TRDN: variants seen among roughly 807,000 people sequenced by gnomAD.
The protein encoded by TRDN is triadin.
TRDN carries 161 observed loss-of-function variants against 149.7 expected under a neutral mutation model. The observed-to-expected ratio is 1.08, with a 90% CI of 0.95 to 1.23. The LOEUF (loss-of-function observed/expected upper bound fraction) is 1.23, where lower values mean the gene tolerates loss of function less well. Ranked by LOEUF, TRDN falls within the 50% of genes most tolerant of loss-of-function variation. The pLI, the probability that TRDN is intolerant of heterozygous loss-of-function variation, is 0.00. For missense variants in TRDN, 896 were observed against 823.5 expected, an observed-to-expected ratio of 1.09 and a Z score of -1.08; for synonymous variants, 294 against 250.5, an observed-to-expected ratio of 1.17 and a Z score of -1.64.
chr6:123,381,454 A>C, intron 15 of TRDN, 64 bp from the exon 16 acceptor site: 3 of 1,449,054 alleles, frequency 2.1e-6, no homozygotes, highest in South Asian at 2.5e-5. Flanking sequence ...ACTACCCTAC[A>C]TATTGATTAG....
At chr6:123,364,055 T>A (rs1333130908) in intron 20 of TRDN, among the ~76,000 whole-genome samples, 2 of 152,262 alleles carry the variant, frequency 1.3e-5, no homozygotes, top group Admixed American at 6.5e-5. Flanking sequence ...TTTCTTTTTC[T>A]GTATGTCATG....
intron 33 of TRDN, 43 bp from the exon 34 acceptor site, chr6:123,260,681 A>G: frequency 7.2e-7 from 1 of 1,393,840 alleles, no homozygotes; most frequent in Non-Finnish European, 9.5e-7. Flanking sequence ...GAAAGGAAAA[A>G]AAATAAAAAG....
intron 4 of TRDN, among the ~76,000 whole-genome samples, chr6:123,540,610 C>T (rs1780781085): frequency 6.6e-6 from 1 of 152,222 alleles, no homozygotes; most frequent in African/African-American, 2.4e-5. Context: ...GGCTCCGCCT[C>T]CTGGCTTCAC....
At chr6:123,281,878 A>G (rs1015911422) in intron 24 of TRDN, among the ~76,000 whole-genome samples, 2 of 152,012 alleles carry the variant, frequency 1.3e-5, no homozygotes, top group Non-Finnish European at 2.9e-5. Flanking sequence ...TCTTTATACT[A>G]TCTATCCATT....
intron 1 of TRDN, among the ~76,000 whole-genome samples, chr6:123,593,151 A>C (rs1329208809): frequency 1.3e-5 from 2 of 152,232 alleles, no homozygotes; most frequent in Non-Finnish European, 2.9e-5. Context: ...GAAAACTACA[A>C]TAGTTAATAT....
intron 23 of TRDN, among the ~76,000 whole-genome samples, chr6:123,322,657 T>TA (rs58366028): frequency 2.1e-5 from 3 of 142,474 alleles, no homozygotes; most frequent in South Asian, 2.2e-4. Flanking sequence ...TTATTATTAT[T>TA]TTTGAGACGG....
At chr6:123,558,728 C>T (rs1262437601) in intron 2 of TRDN, among the ~76,000 whole-genome samples, 3 of 152,218 alleles carry the variant, frequency 2.0e-5, no homozygotes, top group East Asian at 1.9e-4. Flanking sequence ...ACTTAATTAA[C>T]CTCACCTTCA....
intron 2 of TRDN, among the ~76,000 whole-genome samples, chr6:123,550,612 TA>T (rs750784959): frequency 3.8e-4 from 58 of 152,200 alleles, no homozygotes; most frequent in Non-Finnish European, 1.6e-4. Context: ...TTTCTGTTTT[TA>T]CCATTGTTCA....
chr6:123,568,114 C>T (rs1289437484), intron 2 of TRDN, among the ~76,000 whole-genome samples: 3 of 152,116 alleles, frequency 2.0e-5, no homozygotes, highest in Admixed American at 2.0e-4. Context: ...GCTAAGGCCC[C>T]ATGTAAGTTG....
At chr6:123,492,377 T>C (rs1778258320) in intron 9 of TRDN, among the ~76,000 whole-genome samples, 1 of 152,162 alleles carries the variant, frequency 6.6e-6, no homozygotes, top group South Asian at 2.1e-4. Context: ...GCCCTGGTAC[T>C]TGTAGTGGAC....
rs1783165200 is a variant in TRDN at position 123,582,367 on chromosome 6, C to G, written c.23-11235G>C. Among the ~76,000 whole-genome samples the G allele has an allele frequency of 2.0e-5, 3 of 152,072 alleles. No individual in the cohort carries two copies. In the South Asian group the frequency reaches 6.2e-4, roughly 32 times the overall value. On this transcript the variant is annotated intron_variant, in intron 1 of 40. Transcript: ENST00000334268. ...GCGTCCGTGTGAAGAGACCACCAAA[C>G]AGGCTTTGTGTGAGCAATAAAGCTG...
intron 23 of TRDN, among the ~76,000 whole-genome samples, chr6:123,328,136 C>G (rs1298621368): frequency 6.6e-6 from 1 of 152,222 alleles, no homozygotes; most frequent in African/African-American, 2.4e-5. Context: ...AAAATCCTGA[C>G]TAGCCAACAC....
intron 21 of TRDN, chr6:123,350,793 C>T (rs554838126): frequency 1.0e-6 from 1 of 979,460 alleles, no homozygotes; most frequent in Non-Finnish European, 1.2e-6. Context: ...ATAAAAATAG[C>T]CATTGAAAGA....
chr6:123,545,744 C>T (rs943526890), intron 4 of TRDN, among the ~76,000 whole-genome samples: 13 of 151,952 alleles, frequency 8.6e-5, no homozygotes, highest in African/African-American at 3.1e-4. Context: ...CCCTAAACAA[C>T]TATTTAATAG....
At chr6:123,227,035 T>C (rs1386837366) in intron 38 of TRDN, among the ~76,000 whole-genome samples, 1 of 151,822 alleles carries the variant, frequency 6.6e-6, no homozygotes, top group East Asian at 1.9e-4. Flanking sequence ...TCTGGAAAAC[T>C]TGGATAAGAT....
rs1035426053 is a variant in TRDN, at chr6:123,381,478, C to T, written c.1166-88G>A. ...CATATTGATTAGACTGTAATTTTTC[C>T]CACCCCTCCTTCCAATTTTCTCTCC... On this transcript the variant is annotated intron_variant, in intron 15 of 40. Coordinates refer to ENST00000334268, the MANE Select transcript of TRDN (RefSeq NM_006073.4). The T allele has an allele frequency of 6.4e-6, 8 of 1,257,144 alleles. No homozygotes were observed. The African/African-American group carries it at 7.5e-5, about 12-fold the overall frequency. 77.9% of individuals were successfully genotyped at this position (1,257,144 alleles called of 1,614,324 possible).
chr6:123,569,859 A>G (rs545818896), intron 2 of TRDN, among the ~76,000 whole-genome samples: 1 of 152,328 alleles, frequency 6.6e-6, no homozygotes, highest in East Asian at 1.9e-4. Context: ...GCCCATGTCC[A>G]ACACTGGGGA....
At position 123,299,911 on chromosome 6, in the gene TRDN, T is replaced by C. The variant is rs557022259; in HGVS notation, c.1510+16546A>G. Among the ~76,000 whole-genome samples, 9 of 152,160 alleles carry C rather than the reference T, an allele frequency of 5.9e-5. No homozygotes were observed. The East Asian group carries it at 7.7e-4, about 13-fold the overall frequency. ...AAGAAGATATAAACTAAGCAATATG[T>C]TCACATGGAGAAAACTTGTTTCTTT... On this transcript the variant is annotated intron_variant, in intron 24 of 40. Coordinates refer to ENST00000334268, the MANE Select transcript of TRDN (RefSeq NM_006073.4).
chr6:123,438,857 T>G, intron 11 of TRDN, 87 bp downstream of exon 11: 1 of 1,053,636 alleles, frequency 9.5e-7, no homozygotes, highest in Non-Finnish European at 1.4e-6. Context: ...TAAGGGAATT[T>G]CTTTCCTAGA....
Sources: allele counts gnomAD v4.1 joint callset (sites outside exome capture counted in the v4.1 genomes callset), GRCh38; gene constraint gnomAD v4.1.1; transcripts MANE v1.5; gene names NCBI Gene and HGNC (gene_info 2026-07-23, HGNC 2026-07-21).